CDH18: variants seen among roughly 807,000 people sequenced by gnomAD.
The protein encoded by CDH18 is cadherin-18.
A neutral mutation model predicts 67.9 loss-of-function variants in CDH18; 31 were observed. The observed-to-expected ratio is 0.46, with a 90% confidence interval of 0.34 to 0.62. The LOEUF (loss-of-function observed/expected upper bound fraction) is 0.62, where lower values mean the gene tolerates loss of function less well. Ranked by LOEUF, CDH18 falls within the 20% of genes least tolerant of loss-of-function variation. CDH18 has a pLI of 0.01. For missense variants in CDH18, 890 were observed against 975.5 expected (o/e 0.91, Z 1.17); for synonymous variants, 362 against 347.2 (o/e 1.04, Z -0.48).
intron 2 of CDH18, among the ~76,000 whole-genome samples, chr5:20,146,530 G>GA (rs1251294305): frequency 6.6e-6 from 1 of 151,226 alleles, no homozygotes; most frequent in South Asian, 2.1e-4. Flanking sequence ...GCTTCAGAAA[G>GA]AAAAAGTTTT....
intron 4 of CDH18, among the ~76,000 whole-genome samples, chr5:19,741,039 C>T (rs1769048220): frequency 6.7e-6 from 1 of 149,730 alleles, no homozygotes; most frequent in African/African-American, 2.5e-5. Flanking sequence ...GTTATAATGC[C>T]ATTCTGTTCA....
rs201249378 is a variant in CDH18, at chr5:19,473,469, T to C, written c.2130A>G (p.Ile710Met). Residue 710 changes from isoleucine (I) to methionine (M), a missense_variant, in exon 13 of 13, where the codon ATA becomes ATG. Ile to Met is a conservative substitution (Grantham distance 10). This residue lies in a region of CDH18 where 656 missense variants were observed against 668.1 expected (regional missense o/e 0.98). Coordinates refer to ENST00000382275, the MANE Select transcript of CDH18 (RefSeq NM_004934.5). ...RHQTSSTLES[I>M]DVQEFIKQRL... ...TTTGCTTAATAAATTCCTGAACATCTATGCTTTCCAGGGTGGATGATGTCT... is the reference window on the plus strand; with the variant it reads ...TTTGCTTAATAAATTCCTGAACATCCATGCTTTCCAGGGTGGATGATGTCT... 3.8e-5 allele frequency: 62 copies of C among 1,613,790 alleles called. 1 individual carries two copies. Among genetic ancestry groups the C allele is most frequent in the Non-Finnish European group, 4.9e-5 (58 of 1,179,848 alleles).
At chr5:19,882,752 T>C (rs1247041932) in intron 2 of CDH18, among the ~76,000 whole-genome samples, 2 of 152,142 alleles carry the variant, frequency 1.3e-5, no homozygotes, top group East Asian at 3.9e-4. Flanking sequence ...CACTGTCATC[T>C]TAGAATTAAT....
At chr5:19,731,400 G>A (rs910055345) in intron 4 of CDH18, among the ~76,000 whole-genome samples, 4 of 152,096 alleles carry the variant, frequency 2.6e-5, no homozygotes, top group Non-Finnish European at 4.4e-5. Context: ...GTAGTGAGCC[G>A]AGAGAGCCCC....
At chr5:19,603,400 A>C (rs1747488618) in intron 6 of CDH18, among the ~76,000 whole-genome samples, 1 of 152,140 alleles carries the variant, frequency 6.6e-6, no homozygotes. Flanking sequence ...ACAAAGTTTT[A>C]CTTTTGCAAG....
intron 4 of CDH18, among the ~76,000 whole-genome samples, chr5:19,741,343 C>T (rs1376406341): frequency 6.6e-6 from 1 of 150,470 alleles, no homozygotes; most frequent in Non-Finnish European, 1.5e-5. Flanking sequence ...CACACACACA[C>T]ACACACACAC....
At chr5:19,781,002 G>A (rs906921741) in intron 3 of CDH18, among the ~76,000 whole-genome samples, 1 of 152,184 alleles carries the variant, frequency 6.6e-6, no homozygotes, top group East Asian at 1.9e-4. Flanking sequence ...TAAAACGCCT[G>A]TAGAAGCAAA....
chr5:20,345,846 A>G (rs1740656420), intron 1 of CDH18, among the ~76,000 whole-genome samples: 1 of 152,116 alleles, frequency 6.6e-6, no homozygotes. Context: ...AATACAATTT[A>G]TAAGAAGTCC....
intron 1 of CDH18, among the ~76,000 whole-genome samples, chr5:19,987,222 G>A (rs193039002): frequency 6.6e-6 from 1 of 151,078 alleles, no homozygotes; most frequent in African/African-American, 2.4e-5. Flanking sequence ...TTACATATGA[G>A]AGGTTTGCCT....
chr5:19,523,034 C>T (rs761272344), intron 9 of CDH18, among the ~76,000 whole-genome samples: 5 of 151,546 alleles, frequency 3.3e-5, no homozygotes, highest in East Asian at 1.9e-4. Flanking sequence ...ACCCACTATA[C>T]ATAGAAATTT....
chr5:20,283,543 G>A (rs572213031), intron 1 of CDH18, among the ~76,000 whole-genome samples: 2 of 151,708 alleles, frequency 1.3e-5, no homozygotes, highest in Non-Finnish European at 2.9e-5. Context: ...AAAAAAAACT[G>A]CAATTAAATA....
chr5:19,840,509 C>G (rs1782183010), intron 2 of CDH18, among the ~76,000 whole-genome samples: 1 of 151,918 alleles, frequency 6.6e-6, no homozygotes. Flanking sequence ...TTGAGGCCAG[C>G]CTGTCCAACA....
intron 3 of CDH18, among the ~76,000 whole-genome samples, chr5:19,753,147 A>G (rs1771084660): frequency 6.6e-6 from 1 of 152,160 alleles, no homozygotes; most frequent in Non-Finnish European, 1.5e-5. Flanking sequence ...AAATCCTACT[A>G]GCTTACCAGC....
At chr5:20,518,140 T>C (rs1319061594) in intron 1 of CDH18, among the ~76,000 whole-genome samples, 2 of 152,108 alleles carry the variant, frequency 1.3e-5, no homozygotes, top group Admixed American at 6.6e-5. Context: ...ATATTTTTCT[T>C]GATTCACTAT....
intron 3 of CDH18, among the ~76,000 whole-genome samples, chr5:19,818,599 C>T (rs1036830218): frequency 6.6e-5 from 10 of 152,060 alleles, no homozygotes; most frequent in African/African-American, 1.9e-4. Flanking sequence ...TTGTGAACAT[C>T]ACAGGGTATA....
intron 2 of CDH18, among the ~76,000 whole-genome samples, chr5:20,249,187 C>G (rs1014591382): frequency 1.3e-5 from 2 of 152,026 alleles, no homozygotes; most frequent in Non-Finnish European, 2.9e-5. Flanking sequence ...ATAATGTGAT[C>G]AAGCAAAATT....
At chr5:20,268,850 A>G (rs953141217) in intron 1 of CDH18, among the ~76,000 whole-genome samples, 1 of 152,196 alleles carries the variant, frequency 6.6e-6, no homozygotes, top group African/African-American at 2.4e-5. Context: ...CTGCATAAGC[A>G]GCAACAACAC....
At chr5:20,487,756 T>C (rs1237229087) in intron 1 of CDH18, among the ~76,000 whole-genome samples, 1 of 26,080 alleles carries the variant, frequency 3.8e-5, no homozygotes, top group Non-Finnish European at 1.8e-4. Context: ...ATAAATAGCA[T>C]GCATATATAT....
At chr5:19,964,849 TAAAC>T (rs1295874834) in intron 2 of CDH18, among the ~76,000 whole-genome samples, 1 of 151,964 alleles carries the variant, frequency 6.6e-6, no homozygotes, top group Non-Finnish European at 1.5e-5. Context: ...GCAATAGAAA[TAAAC>T]AAAAGAGCCA....
Sources: allele counts gnomAD v4.1 joint callset (sites outside exome capture counted in the v4.1 genomes callset), GRCh38; gene constraint gnomAD v4.1.1; regional missense constraint gnomAD v4.1.1; transcripts MANE v1.5; gene names NCBI Gene and HGNC (gene_info 2026-07-23, HGNC 2026-07-21).